The following PTPRU variants were observed in gnomAD, a reference collection of about 807,000 sequenced individuals.
PTPRU encodes protein tyrosine phosphatase receptor type U, also known as receptor-type tyrosine-protein phosphatase U.
A neutral mutation model predicts 166.3 loss-of-function variants in PTPRU; 69 were observed. That is an observed-to-expected ratio of 0.41 (90% CI 0.34 to 0.51). PTPRU has a LOEUF of 0.51. Among genes scored for constraint, PTPRU ranks in the 20% least tolerant of loss-of-function variants. PTPRU has a pLI of 0.09. For missense variants in PTPRU, 1,657 were observed against 2,013.7 expected, an observed-to-expected ratio of 0.82 and a Z score of 3.39; for synonymous variants, 793 against 814.0, an observed-to-expected ratio of 0.97 and a Z score of 0.44.
chr1:29,256,651 C>T (rs1175002159), intron 2 of PTPRU, among the ~76,000 whole-genome samples: 2 of 152,346 alleles, frequency 1.3e-5, no homozygotes, highest in East Asian at 3.9e-4. Flanking sequence ...ATCTCTGCCT[C>T]TGCAGGTGTT....
At chr1:29,303,813 G>A in intron 15 of PTPRU, 42 bp from the exon 16 acceptor site, 1 of 1,544,036 alleles carries the variant, frequency 6.5e-7, no homozygotes, top group Non-Finnish European at 8.9e-7. Context: ...CCGAGGCTGG[G>A]GCATGTGTGT....
rs1685940590 is a variant in PTPRU at position 29,279,046 on chromosome 1, C to T, written c.1488C>T (p.Phe496=). ...PSGIAAESLT[F]TPLEDMIFLK... is the part of the protein sequence containing the mutation. ...GGATTGCAGCCGAGTCCCTGACCTT[C>T]ACTCCACTGGAGGACATGATCTTCC... The change falls in exon 9 of 30, where the codon TTC becomes TTT. Residue 496 remains phenylalanine, a synonymous_variant. Transcript: ENST00000373779. This position sits in a 1 kb window ranked among gnomAD's most constrained non-coding sequence, Gnocchi z 5.2. 6.3e-7 allele frequency: 1 copy of T among 1,593,018 alleles called. No individual in the cohort carries two copies. The highest frequency in any genetic ancestry group is 8.6e-7 in the Non-Finnish European group (1 of 1,169,336).
Position 29,317,706 on chromosome 1 carries a change from G to T in PTPRU, c.3514-42G>T. The T allele has an allele frequency of 6.4e-7, 1 of 1,557,984 alleles. No homozygotes were observed. Among genetic ancestry groups the T allele is most frequent in the Non-Finnish European group, 8.7e-7 (1 of 1,152,986 alleles). On this transcript the variant is annotated intron_variant, in intron 24 of 29. Coordinates refer to ENST00000373779, the MANE Select transcript of PTPRU (RefSeq NM_133178.4). This position sits in a 1 kb window ranked among gnomAD's most constrained non-coding sequence, Gnocchi z 5.6. ...ATGGGGATGTGAGGAGGCCCAGCAA[G>T]CCCTGGACGTAACTCTCTGTCCCCA...
rs1283369641 is a variant in PTPRU at position 29,311,394 on chromosome 1, A to G, written c.2858-62A>G. 9.2e-6 allele frequency: 14 copies of G among 1,527,624 alleles called. No individual in the cohort carries two copies. The highest frequency in any genetic ancestry group is 1.3e-5 in the Non-Finnish European group (14 of 1,107,612). The allele number at this position is 1,527,624 out of a possible 1,614,324, so 94.6% of individuals were successfully genotyped here. ...GGGGTGTGGTGCTGGATGGTGCTGG[A>G]TGTGCTGACCTGGGGTGGAGACCTT... On this transcript the variant is annotated intron_variant, in intron 19 of 29. Coordinates refer to ENST00000373779, the MANE Select transcript of PTPRU (RefSeq NM_133178.4). The surrounding 1 kb of genome is among the most constrained non-coding windows in gnomAD (Gnocchi z 4.1).
At chr1:29,275,053 A>G (rs1169808879) in intron 7 of PTPRU, among the ~76,000 whole-genome samples, 1 of 151,932 alleles carries the variant, frequency 6.6e-6, no homozygotes, top group East Asian at 1.9e-4. Context: ...CTGTCAAAAA[A>G]AAAAAAAAAA....
rs974474308 is a variant in PTPRU, at chr1:29,257,096, A to G, written c.206-1409A>G. On this transcript the variant is annotated intron_variant, in intron 2 of 29. Transcript: ENST00000373779. The surrounding 1 kb of genome is among the most constrained non-coding windows in gnomAD (Gnocchi z 4.6). Reference sequence around the variant, plus strand: ...GACAGGGACAAAGGGAGTAAATGAAAGAGAAGGGGAGGGATGTAGTGAGCC... The same window carrying G: ...GACAGGGACAAAGGGAGTAAATGAAGGAGAAGGGGAGGGATGTAGTGAGCC... Among the ~76,000 whole-genome samples the G allele has an allele frequency of 2.0e-4, 31 of 151,984 alleles. No homozygotes were observed. Among genetic ancestry groups the G allele is most frequent in the Non-Finnish European group, 3.5e-4 (24 of 67,978 alleles).
At chr1:29,300,995 G>A (rs57314740) in intron 15 of PTPRU, among the ~76,000 whole-genome samples, 37,780 of 152,016 alleles carry the variant, frequency 0.25, 5,925 homozygotes, top group East Asian at 0.63. Flanking sequence ...CATCAGGCAA[G>A]AAAAGTAGGG....
chr1:29,279,758 A>G lies in PTPRU; in HGVS notation c.1765+101A>G, dbSNP rs773328675. On this transcript the variant is annotated intron_variant, in intron 10 of 29. Coordinates refer to ENST00000373779, the MANE Select transcript of PTPRU (RefSeq NM_133178.4). The surrounding 1 kb of genome is among the most constrained non-coding windows in gnomAD (Gnocchi z 5.2). Reference sequence around the variant, plus strand: ...TGGGGGGCATCCTGGGGGTAGTTACAGAGGGCCCCTGCTGAGATAAATATG... The same window carrying G: ...TGGGGGGCATCCTGGGGGTAGTTACGGAGGGCCCCTGCTGAGATAAATATG... 2.4e-5 allele frequency: 33 copies of G among 1,372,786 alleles called. No individual in the cohort carries two copies. Among genetic ancestry groups the G allele is most frequent in the East Asian group, 1.4e-4 (6 of 42,484 alleles). The allele number at this position is 1,372,786 out of a possible 1,614,324, so 85.0% of individuals were successfully genotyped here. A position where few individuals can be genotyped will look rare whatever the true frequency, so the allele number is the denominator to read the frequency against.
intron 1 of PTPRU, among the ~76,000 whole-genome samples, chr1:29,253,454 AAGG>A (rs533582939): frequency 2.7e-4 from 41 of 152,258 alleles, no homozygotes; most frequent in Admixed American, 1.6e-3. Context: ...GGACAGGTGA[AAGG>A]AGGACAGGAA....
At chr1:29,303,769 C>T in intron 15 of PTPRU, 86 bp from the exon 16 acceptor site, 1 of 1,376,756 alleles carries the variant, frequency 7.3e-7, no homozygotes. Context: ...GCTGTGCCTC[C>T]CCACCCCCAT....
At position 29,315,661 on chromosome 1, in the gene PTPRU, G is replaced by A. The variant is rs1687871643; in HGVS notation, c.3363+154G>A. On this transcript the variant is annotated intron_variant, in intron 23 of 29. Transcript: ENST00000373779. The surrounding 1 kb of genome is among the most constrained non-coding windows in gnomAD (Gnocchi z 4.5). ...TGACCTTGGGCCGCCAACTGCATAG[G>A]GTCATCCTGAACTGCTCCCCTGTGT... Among the ~76,000 whole-genome samples the A allele has an allele frequency of 6.6e-6, 1 of 152,158 alleles. No homozygotes were observed. The highest frequency in any genetic ancestry group is 1.5e-5 in the Non-Finnish European group (1 of 68,020).
rs754397567 is a variant in PTPRU at position 29,303,985 on chromosome 1, T to C, written c.2607T>C (p.Leu869=). Residue 869 remains leucine (L), a synonymous_variant, in exon 16 of 30, where the codon CTT becomes CTC. Transcript: ENST00000373779. ...QLHPAVRVAD[L]LQHINQMKTA... is the part of the protein sequence containing the mutation. The stretch of plus-strand genomic sequence containing the variant: ...ACCCTGCGGTGCGTGTCGCAGACCT[T>C]CTGCAGCACATCAACCAGATGAAGA... 7.4e-6 allele frequency: 12 copies of C among 1,613,252 alleles called. No homozygotes were observed. The Admixed American group carries it at 2.0e-4, about 27-fold the overall frequency.
chr1:29,295,958 T>C (rs895087791), intron 15 of PTPRU, among the ~76,000 whole-genome samples: 23 of 152,216 alleles, frequency 1.5e-4, no homozygotes, highest in African/African-American at 4.8e-4. Context: ...CTCGAAGTGC[T>C]GAGATTACAG....
chr1:29,259,027 T>G (rs1439894986), intron 3 of PTPRU, among the ~76,000 whole-genome samples: 2 of 152,160 alleles, frequency 1.3e-5, no homozygotes, highest in Non-Finnish European at 2.9e-5. Flanking sequence ...AAACTCTGTC[T>G]GGCTGCTTGA....
chr1:29,270,453 C>T lies in PTPRU; in HGVS notation c.1145-4995C>T, dbSNP rs140819997. On this transcript the variant is annotated intron_variant, in intron 7 of 29. Coordinates refer to ENST00000373779, the MANE Select transcript of PTPRU (RefSeq NM_133178.4). Reference sequence around the variant, plus strand: ...TCCCAAGTAGCTGGGACTACAGGCGCGCACCACCATGCCTGGCTAATTTTT... The same window carrying T: ...TCCCAAGTAGCTGGGACTACAGGCGTGCACCACCATGCCTGGCTAATTTTT... Among the ~76,000 whole-genome samples the T allele has an allele frequency of 6.8e-4, 103 of 152,176 alleles. No individual in the cohort carries two copies. The Middle Eastern group carries it at 0.014, about 20-fold the overall frequency.
In PTPRU at chr1:29,258,004, AC is replaced by A. The variant is rs371191947; in HGVS notation, c.206-498del. Among the ~76,000 whole-genome samples, 33 of 151,978 alleles carry A rather than the reference AC, an allele frequency of 2.2e-4. No homozygotes were observed. The East Asian group carries it at 5.6e-3, about 26-fold the overall frequency. On this transcript the variant is annotated intron_variant, in intron 2 of 29. Transcript: ENST00000373779. The stretch of plus-strand genomic sequence containing the variant: ...TTTTGAGACCGAGTCTTGCTCTGTC[AC>A]CCAGGCTGGAGTGCAGTGGCGTGAT...
chr1:29,279,981 C>G lies in PTPRU; in HGVS notation c.1766-58C>G. 1.3e-6 allele frequency: 2 copies of G among 1,502,542 alleles called. No individual in the cohort carries two copies. The highest frequency in any genetic ancestry group is 1.8e-6 in the Non-Finnish European group (2 of 1,082,718). 93.1% of individuals were successfully genotyped at this position (1,502,542 alleles called of 1,614,324 possible). On this transcript the variant is annotated intron_variant, in intron 10 of 29. Coordinates refer to ENST00000373779, the MANE Select transcript of PTPRU (RefSeq NM_133178.4). The surrounding 1 kb of genome is among the most constrained non-coding windows in gnomAD (Gnocchi z 5.2). ...GGACTGTGGTCAAGGAGGCTGGAAG[C>G]CTGGTCTTCCTGGTCCAGTGGCCAA...
chr1:29,305,255 G>A (rs1687332872), intron 17 of PTPRU, 97 bp from the exon 18 acceptor site: 2 of 1,213,990 alleles, frequency 1.6e-6, no homozygotes, highest in African/African-American at 1.5e-5. Flanking sequence ...TGGCTGCCCT[G>A]CCTGTGCCCT....
Position 29,237,016 on chromosome 1 carries a change from T to C in PTPRU, c.73+299T>C, listed in dbSNP as rs904125458. ...GTCTTGTGGGTCTGCCAGTGTGTAG[T>C]GTTTGTGTGGCCAAGTGGGTTGTGT... is the stretch of plus-strand genomic sequence containing the variant. On this transcript the variant is annotated intron_variant, in intron 1 of 29. Coordinates refer to ENST00000373779, the MANE Select transcript of PTPRU (RefSeq NM_133178.4). The surrounding 1 kb of genome is among the most constrained non-coding windows in gnomAD (Gnocchi z 6.4). Among the ~76,000 whole-genome samples the C allele has an allele frequency of 1.3e-5, 2 of 152,014 alleles. No homozygotes were observed. The highest frequency in any genetic ancestry group is 4.8e-5 in the African/African-American group (2 of 41,378).
Sources: gnomAD v4.1 joint callset for allele counts (sites outside exome capture counted in the v4.1 genomes callset) on GRCh38, gnomAD v4.1.1 for gene constraint, Gnocchi (gnomAD v3.1) non-coding constraint, MANE v1.5 for transcripts, NCBI Gene and HGNC (gene_info 2026-07-23, HGNC 2026-07-21) for gene names.